Variants in NDEL1 observed in about 807,000 individuals in gnomAD.
The protein encoded by NDEL1 is nudE neurodevelopment protein 1 like 1, also known as nuclear distribution protein nudE-like 1.
NDEL1 carries 9 observed loss-of-function variants against 45.7 expected under a neutral mutation model. That is an observed-to-expected ratio of 0.20 (90% CI 0.12 to 0.34). The LOEUF (loss-of-function observed/expected upper bound fraction) is 0.34, where lower values mean the gene tolerates loss of function less well. Ranked by LOEUF, NDEL1 falls within the 10% of genes least tolerant of loss-of-function variation. The pLI is 1.00. For missense variants in NDEL1, 306 were observed against 406.2 expected (o/e 0.75, Z 2.12); for synonymous variants, 133 against 158.6 (o/e 0.84, Z 1.21).
At chr17:8,443,014 C>T (rs1389121609) in intron 1 of NDEL1, among the ~76,000 whole-genome samples, 2 of 151,522 alleles carry the variant, frequency 1.3e-5, no homozygotes, top group African/African-American at 2.4e-5. Context: ...CTCCTGACCT[C>T]GTGATCCGCC....
chr17:8,415,157 T>C (rs1908515964), intron 1 of NDEL1, among the ~76,000 whole-genome samples: 1 of 146,246 alleles, frequency 6.8e-6, no homozygotes, highest in South Asian at 2.3e-4. Flanking sequence ...TCTCTCTGTC[T>C]CCCTCTCTCC....
intron 4 of NDEL1, among the ~76,000 whole-genome samples, chr17:8,447,986 G>T (rs1046522746): frequency 6.6e-5 from 10 of 151,248 alleles, no homozygotes; most frequent in East Asian, 1.9e-4. Context: ...GGTGGGCGGG[G>T]GGGGGGCAGT....
At chr17:8,456,579 A>G (rs1393797262) in intron 7 of NDEL1, among the ~76,000 whole-genome samples, 2 of 141,846 alleles carry the variant, frequency 1.4e-5, no homozygotes, top group African/African-American at 2.6e-5. Flanking sequence ...GCTCACTGCA[A>G]CCTCTGCCTC....
chr17:8,439,098 C>T (rs545526596), intron 1 of NDEL1, among the ~76,000 whole-genome samples: 16 of 150,736 alleles, frequency 1.1e-4, no homozygotes, highest in Non-Finnish European at 1.5e-4. Flanking sequence ...CCCACCACCA[C>T]GCCCAGCTAG....
intron 1 of NDEL1, among the ~76,000 whole-genome samples, chr17:8,416,808 G>C (rs912337692): frequency 1.3e-5 from 2 of 152,040 alleles, no homozygotes; most frequent in Non-Finnish European, 2.9e-5. Context: ...ATTAGACTTT[G>C]GGGTTTATCC....
downstream of NDEL1, among the ~76,000 whole-genome samples, chr17:8,468,969 A>C (rs1911763933): frequency 6.6e-6 from 1 of 152,128 alleles, no homozygotes; most frequent in African/African-American, 2.4e-5. Context: ...ATGTCACTGC[A>C]CTCCAGCCTG....
chr17:8,424,278 G>A (rs751857614), intron 1 of NDEL1, among the ~76,000 whole-genome samples: 5 of 152,166 alleles, frequency 3.3e-5, no homozygotes, highest in African/African-American at 4.8e-5. Flanking sequence ...CTTCTGTAAC[G>A]TTGTTACCAT....
intron 3 of NDEL1, among the ~76,000 whole-genome samples, chr17:8,446,359 A>G (rs1019065388): frequency 1.3e-5 from 2 of 152,034 alleles, no homozygotes; most frequent in Non-Finnish European, 2.9e-5. Context: ...GCTTGAGGGT[A>G]TTTAGTGTCT....
chr17:8,469,807 G>A (rs1266184882), downstream of NDEL1, among the ~76,000 whole-genome samples: 1 of 149,774 alleles, frequency 6.7e-6, no homozygotes, highest in Admixed American at 6.7e-5. Flanking sequence ...GGGTTCCAGC[G>A]ATTCTCCTGA....
intron 1 of NDEL1, among the ~76,000 whole-genome samples, chr17:8,419,883 C>A (rs1908659270): frequency 6.6e-6 from 1 of 151,978 alleles, no homozygotes. Flanking sequence ...CTGACGAGGG[C>A]CAGAAGCACC....
intron 5 of NDEL1, among the ~76,000 whole-genome samples, chr17:8,448,969 T>C (rs1189475570): frequency 6.6e-6 from 1 of 152,238 alleles, no homozygotes; most frequent in South Asian, 2.1e-4. Flanking sequence ...ACTGTCCCTA[T>C]GCCAGAAGAA....
intron 1 of NDEL1, among the ~76,000 whole-genome samples, chr17:8,426,394 G>A (rs973482147): frequency 6.6e-6 from 1 of 152,212 alleles, no homozygotes; most frequent in African/African-American, 2.4e-5. Flanking sequence ...TAGTTTGGGA[G>A]TAGGTAAACC....
chr17:8,452,929 G>A (rs11078753), intron 6 of NDEL1, among the ~76,000 whole-genome samples: 77,107 of 151,328 alleles, frequency 0.51, 20,581 homozygotes, highest in Middle Eastern at 0.62. Context: ...AGTAGAAATG[G>A]GGTTTCACCA....
At chr17:8,454,173 G>A (rs1467079027) in intron 6 of NDEL1, among the ~76,000 whole-genome samples, 1 of 152,164 alleles carries the variant, frequency 6.6e-6, no homozygotes, top group Non-Finnish European at 1.5e-5. Context: ...GAAACACAGT[G>A]TTTACAAGAT....
chr17:8,470,699 T>C (rs1431086096), downstream of NDEL1, among the ~76,000 whole-genome samples: 2 of 152,236 alleles, frequency 1.3e-5, no homozygotes, highest in African/African-American at 4.8e-5. This position sits in a 1 kb window ranked among gnomAD's most constrained non-coding sequence, Gnocchi z 4.2. Context: ...CCAGTCTTTT[T>C]CTGCTGTGCC....
chr17:8,445,823 G>T lies in NDEL1; in HGVS notation c.199G>T (p.Ala67Ser). ...QAEQRNRDLQ[A>S]DNQRLKYEVE... is the part of the protein sequence containing the mutation. ...TGAACAAAGAAATAGAGACTTGCAGGCTGATAACCAAAGACTGAAATATGA... is the reference window on the plus strand; with the variant it reads ...TGAACAAAGAAATAGAGACTTGCAGTCTGATAACCAAAGACTGAAATATGA... The change falls in exon 3 of 9, where the codon GCT (alanine) becomes TCT (serine). Residue 67 changes from alanine to serine, a missense_variant. Transcript: ENST00000334527. The T allele has an allele frequency of 1.3e-6, 2 of 1,566,526 alleles. No individual in the cohort carries two copies. The highest frequency in any genetic ancestry group is 1.7e-6 in the Non-Finnish European group (2 of 1,161,150).
chr17:8,431,312 G>C (rs556616578), upstream of NDEL1: 7 of 152,424 alleles, frequency 4.6e-5, no homozygotes, highest in East Asian at 1.4e-3. Flanking sequence ...GAGCCCCAGA[G>C]CCTGAACGAG....
intron 1 of NDEL1, among the ~76,000 whole-genome samples, chr17:8,441,018 A>G (rs532202470): frequency 1.3e-5 from 2 of 152,354 alleles, no homozygotes; most frequent in South Asian, 2.1e-4. Flanking sequence ...GAAGGTATCT[A>G]ACAGTCATTA....
At chr17:8,463,756 G>T (rs767629681) in intron 8 of NDEL1, among the ~76,000 whole-genome samples, 2 of 152,250 alleles carry the variant, frequency 1.3e-5, no homozygotes, top group Non-Finnish European at 2.9e-5. Context: ...CTCAAGTCAG[G>T]CACCAGTGTG....
Sources: allele counts gnomAD v4.1 joint callset (sites outside exome capture counted in the v4.1 genomes callset), GRCh38; gene constraint gnomAD v4.1.1; non-coding constraint Gnocchi (gnomAD v3.1); transcripts MANE v1.5; gene names NCBI Gene and HGNC (gene_info 2026-07-23, HGNC 2026-07-21).